Variants in LRRC49 observed in about 807,000 individuals in gnomAD.
The protein encoded by LRRC49 is leucine rich repeat containing 49, also known as leucine-rich repeat-containing protein 49.
In LRRC49, 50 loss-of-function variants were observed where a neutral mutation model predicts 83.3. The observed-to-expected ratio is 0.60, with a 90% confidence interval of 0.48 to 0.76. LRRC49 has a LOEUF of 0.76. Ranked by LOEUF, LRRC49 falls within the 30% of genes least tolerant of loss-of-function variation. The pLI is 0.00. For missense variants in LRRC49, 704 were observed against 809.1 expected (o/e 0.87, Z 1.58); for synonymous variants, 286 against 283.3 (o/e 1.01, Z -0.10).
At position 70,900,637 on chromosome 15, in the gene LRRC49, C is replaced by T. The variant is rs28735702; in HGVS notation, c.194-285C>T. On this transcript the variant is annotated intron_variant, in intron 3 of 15. Transcript: ENST00000260382. ...ACAGTTAGAATTTAAGACAAGGAGT[C>T]AGGATTACAAAGGGATGAAGATAGC... 1,617 of 474,916 alleles carry T rather than the reference C, an allele frequency of 3.4e-3. 27 individuals are homozygous for T. The highest frequency in any genetic ancestry group is 0.029 in the African/African-American group (1,492 of 51,040). The allele number at this position is 474,916 out of a possible 1,614,324, so 29.4% of individuals were successfully genotyped here.
intron 1 of LRRC49, chr15:70,858,827 C>T (rs1349785769): frequency 3.8e-6 from 3 of 792,790 alleles, no homozygotes; most frequent in Non-Finnish European, 4.4e-6. Flanking sequence ...CTGAGATTCT[C>T]CCGAGTGGGC....
chr15:70,993,562 C>T (rs1314967711), intron 11 of LRRC49, among the ~76,000 whole-genome samples: 1 of 152,186 alleles, frequency 6.6e-6, no homozygotes, highest in African/African-American at 2.4e-5. Flanking sequence ...AATGAAGTGA[C>T]AATTTATGTA....
chr15:70,870,151 A>AG (rs2032996804), intron 1 of LRRC49, among the ~76,000 whole-genome samples: 2 of 152,364 alleles, frequency 1.3e-5, no homozygotes, highest in South Asian at 4.1e-4. Flanking sequence ...TACTAAGCTA[A>AG]GAGGATTCCA....
chr15:71,005,089 G>A (rs2038409938), intron 11 of LRRC49, among the ~76,000 whole-genome samples: 1 of 152,006 alleles, frequency 6.6e-6, no homozygotes, highest in Non-Finnish European at 1.5e-5. Flanking sequence ...ACATAATCAG[G>A]TTTTATTTTC....
At chr15:70,867,281 G>C (rs2032934283) in intron 1 of LRRC49, among the ~76,000 whole-genome samples, 1 of 152,124 alleles carries the variant, frequency 6.6e-6, no homozygotes, top group South Asian at 2.1e-4. Flanking sequence ...TGAAAGACAA[G>C]AGCATAGAGA....
intron 2 of LRRC49, among the ~76,000 whole-genome samples, chr15:70,884,286 A>G (rs1268128665): frequency 1.3e-5 from 2 of 152,128 alleles, no homozygotes; most frequent in Admixed American, 1.3e-4. Context: ...GCCTCCCAGC[A>G]CTTCGGGAGG....
chr15:70,977,975 G>A (rs2037266962), intron 9 of LRRC49, among the ~76,000 whole-genome samples: 2 of 152,004 alleles, frequency 1.3e-5, no homozygotes. Flanking sequence ...GAGTTGTCTA[G>A]TATATGCTTT....
At chr15:71,023,149 G>T (rs2039045830) in intron 14 of LRRC49, among the ~76,000 whole-genome samples, 1 of 152,168 alleles carries the variant, frequency 6.6e-6, no homozygotes, top group African/African-American at 2.4e-5. Context: ...TCAAGTTAAA[G>T]TGGTGCTAAA....
chr15:71,013,334 T>G (rs1017758063), intron 14 of LRRC49, among the ~76,000 whole-genome samples: 1 of 152,114 alleles, frequency 6.6e-6, no homozygotes, highest in Non-Finnish European at 1.5e-5. Flanking sequence ...AATTGGAACA[T>G]GGGATGATTA....
chr15:71,048,596 A>G (rs1028910262), intron 15 of LRRC49, among the ~76,000 whole-genome samples: 1 of 152,280 alleles, frequency 6.6e-6, no homozygotes, highest in East Asian at 1.9e-4. Context: ...TCTTCCATGT[A>G]TATTATACAT....
intron 8 of LRRC49, 133 bp from the exon 9 acceptor site, chr15:70,963,652 G>T (rs923567000): frequency 4.5e-6 from 4 of 888,522 alleles, no homozygotes; most frequent in Non-Finnish European, 6.9e-6. Context: ...TGGGTATGGG[G>T]TATAGGGGAA....
intron 3 of LRRC49, among the ~76,000 whole-genome samples, chr15:70,896,935 G>A (rs967440720): frequency 1.3e-5 from 2 of 152,166 alleles, no homozygotes; most frequent in African/African-American, 4.8e-5. Context: ...GTTCCACAGT[G>A]TGGAAAACAT....
At chr15:70,936,477 C>CA (rs1448553855) in intron 7 of LRRC49, 4 of 310,556 alleles carry the variant, frequency 1.3e-5, no homozygotes, top group African/African-American at 8.5e-5. Context: ...AGCATTTTGG[C>CA]ATCTTTCCCA....
intron 9 of LRRC49, among the ~76,000 whole-genome samples, chr15:70,975,462 G>C (rs1435158750): frequency 2.0e-5 from 3 of 152,136 alleles, no homozygotes; most frequent in African/African-American, 7.2e-5. Flanking sequence ...GGAGGCCAAG[G>C]TGGGCAGATC....
Position 70,932,559 on chromosome 15 carries a change from C to G in LRRC49, c.712-4202C>G, listed in dbSNP as rs371760210. 9.9e-5 allele frequency among the ~76,000 whole-genome samples: 15 copies of G among 152,140 alleles called. No individual in the cohort carries two copies. The East Asian group carries it at 2.3e-3, about 24-fold the overall frequency. On this transcript the variant is annotated intron_variant, in intron 7 of 15. Coordinates refer to ENST00000260382, the MANE Select transcript of LRRC49 (RefSeq NM_017691.5). ...TTTTATTATAGACATCTTTGCCCTA[C>G]TTGTTGCATGTCAGAATCCTTGGTG... is the stretch of plus-strand genomic sequence containing the variant.
At chr15:70,982,328 C>T (rs566927303) in intron 10 of LRRC49, among the ~76,000 whole-genome samples, 1 of 152,058 alleles carries the variant, frequency 6.6e-6, no homozygotes, top group African/African-American at 2.4e-5. Context: ...TCAAAGTGGC[C>T]TTGATACTGA....
At chr15:70,892,624 A>C (rs116181700), upstream of LRRC49, 520 of 1,452,298 alleles carry the variant, frequency 3.6e-4, 5 homozygotes, top group African/African-American at 6.9e-3. Context: ...TCCCCAGCTT[A>C]TCCTCCTCCC....
chr15:70,959,171 AT>A (rs2036506038), intron 8 of LRRC49, among the ~76,000 whole-genome samples: 1 of 152,226 alleles, frequency 6.6e-6, no homozygotes, highest in Admixed American at 6.5e-5. Flanking sequence ...CTGTGGTATT[AT>A]TTAGAAAAGT....
Position 71,049,902 on chromosome 15 carries a change from C to A in LRRC49, c.*290C>A. The A allele has an allele frequency of 3.6e-6, 1 of 275,814 alleles. No homozygotes were observed. Among genetic ancestry groups the A allele is most frequent in the Non-Finnish European group, 6.7e-6 (1 of 148,482 alleles). The allele number at this position is 275,814 out of a possible 1,614,324, so 17.1% of individuals were successfully genotyped here. A position where few individuals can be genotyped will look rare whatever the true frequency, so the allele number is the denominator to read the frequency against. ...CTTGGTTCTTGCTTTGATTGGTGCCCTGCTATAGCCCAAAGCACGTAGTAT... is the reference window on the plus strand; with the variant it reads ...CTTGGTTCTTGCTTTGATTGGTGCCATGCTATAGCCCAAAGCACGTAGTAT... On this transcript the variant is annotated 3_prime_UTR_variant, in exon 16 of 16. Coordinates refer to ENST00000260382, the MANE Select transcript of LRRC49 (RefSeq NM_017691.5).
Sources: gnomAD v4.1 joint callset for allele counts (sites outside exome capture counted in the v4.1 genomes callset) on GRCh38, gnomAD v4.1.1 for gene constraint, MANE v1.5 for transcripts, NCBI Gene and HGNC (gene_info 2026-07-23, HGNC 2026-07-21) for gene names.